The following BZW2 variants were observed in gnomAD, a reference collection of about 807,000 sequenced individuals.
BZW2 encodes eIF5-mimic protein 1.
BZW2 carries 23 observed loss-of-function variants against 53.2 expected under a neutral mutation model. The observed-to-expected ratio is 0.43, with a 90% CI of 0.31 to 0.61. BZW2 has a LOEUF of 0.61. BZW2 is among the 20% of genes least tolerant of loss of function. The pLI is 0.09. For synonymous variants in BZW2, 227 were observed against 186.4 expected (o/e 1.22, Z -1.77); for missense variants, 409 against 503.1 (o/e 0.81, Z 1.79).
At chr7:16,675,731 A>T (rs1008342618) in intron 3 of BZW2, among the ~76,000 whole-genome samples, 1 of 152,226 alleles carries the variant, frequency 6.6e-6, no homozygotes, top group Non-Finnish European at 1.5e-5. Flanking sequence ...ATTGAGCTCA[A>T]ATCCCATTAC....
rs188285304 is a variant in BZW2 at position 16,658,720 on chromosome 7, C to T, written c.-7-6717C>T. Reference sequence around the variant, plus strand: ...TGAAACCCCGTCTGTACTAAAAATACAAAAATTAGCCGGGCATGGTGGCGT... The same window carrying T: ...TGAAACCCCGTCTGTACTAAAAATATAAAAATTAGCCGGGCATGGTGGCGT... On this transcript the variant is annotated intron_variant, in intron 1 of 11. Coordinates refer to ENST00000258761, the MANE Select transcript of BZW2 (RefSeq NM_014038.3). Among the ~76,000 whole-genome samples the T allele has an allele frequency of 2.6e-3, 392 of 151,952 alleles. 1 individual carries two copies. Among genetic ancestry groups the T allele is most frequent in the African/African-American group, 9.0e-3 (371 of 41,444 alleles).
chr7:16,698,104 C>G lies in BZW2; in HGVS notation c.1026C>G (p.Leu342=). Residue 342 remains leucine (L), a synonymous_variant, in exon 10 of 12, where the codon CTC becomes CTG. Transcript: ENST00000258761. ...FSSQGQSELI[L]LQKVQEYCYD... ...CCCAAGGCCAGTCAGAGCTGATCCT[C>G]CTCCAGAAGGTTCAGGAATACTGCT... 1 of 1,614,128 alleles carries G rather than the reference C, an allele frequency of 6.2e-7. No individual in the cohort carries two copies. Among genetic ancestry groups the G allele is most frequent in the Non-Finnish European group, 8.5e-7 (1 of 1,179,958 alleles).
chr7:16,651,585 G>A (rs1398092931), intron 1 of BZW2, among the ~76,000 whole-genome samples: 1 of 152,204 alleles, frequency 6.6e-6, no homozygotes, highest in African/African-American at 2.4e-5. Context: ...GCTGGCTGGA[G>A]GAAAAGGATG....
rs1267310670 is a variant in BZW2, at chr7:16,681,525, A to AAAC, written c.339+121_339+122insAAC. On this transcript the variant is annotated intron_variant, in intron 4 of 11. Transcript: ENST00000258761. ...GAAAGCCTTTAAACTTATGAAAATAATGGGCATTAAAACTACAAAAATAGG... is the reference window on the plus strand; with the variant it reads ...GAAAGCCTTTAAACTTATGAAAATAAAACTGGGCATTAAAACTACAAAAATAGG... The AAAC allele has an allele frequency of 1.0e-4, 86 of 830,526 alleles. 1 individual carries two copies. The African/African-American group carries it at 1.4e-3, about 14-fold the overall frequency. The allele number at this position is 830,526 out of a possible 1,614,324, so 51.4% of individuals were successfully genotyped here.
chr7:16,688,128 T>C (rs1164034596), intron 6 of BZW2, among the ~76,000 whole-genome samples: 1 of 152,170 alleles, frequency 6.6e-6, no homozygotes, highest in Admixed American at 6.6e-5. Flanking sequence ...TGCTTTTACT[T>C]TCCAGTTGCT....
At chr7:16,697,085 G>A in intron 9 of BZW2, 24 bp downstream of exon 9, 2 of 1,605,616 alleles carry the variant, frequency 1.2e-6, no homozygotes, top group Non-Finnish European at 1.7e-6. Context: ...GCAAGGAACT[G>A]ACCCAGCCAA....
chr7:16,665,546 A>G (rs1376314517), intron 2 of BZW2, 45 bp downstream of exon 2: 4 of 1,598,158 alleles, frequency 2.5e-6, no homozygotes, highest in Non-Finnish European at 2.6e-6. Context: ...GTTGTAACCA[A>G]AATATAAGAT....
chr7:16,669,649 A>G (rs78467966), intron 2 of BZW2, among the ~76,000 whole-genome samples: 5,495 of 152,358 alleles, frequency 0.036, 131 homozygotes, highest in South Asian at 0.058. Context: ...TTCTGCTATT[A>G]TATCACTTCA....
intron 10 of BZW2, among the ~76,000 whole-genome samples, chr7:16,699,095 G>T (rs998819038): frequency 1.3e-5 from 2 of 152,216 alleles, no homozygotes; most frequent in East Asian, 3.9e-4. Context: ...TATTGGCCAC[G>T]TAGATTCCTC....
At chr7:16,683,794 A>C (rs1162552780) in intron 5 of BZW2, among the ~76,000 whole-genome samples, 2 of 152,190 alleles carry the variant, frequency 1.3e-5, no homozygotes, top group African/African-American at 4.8e-5. Flanking sequence ...ATCTAAAGTA[A>C]AAAACCAAGT....
At chr7:16,686,564 G>A (rs1391923456) in intron 6 of BZW2, 1 of 155,034 alleles carries the variant, frequency 6.5e-6, no homozygotes, top group Non-Finnish European at 1.4e-5. Flanking sequence ...GGGTTGGATA[G>A]GCATGCATAC....
chr7:16,689,669 G>T (rs1783240393), intron 6 of BZW2, 128 bp from the exon 7 acceptor site: 1 of 645,396 alleles, frequency 1.5e-6, no homozygotes, highest in East Asian at 3.0e-5. Flanking sequence ...GAGGTCTATT[G>T]ACTTTTCATT....
chr7:16,704,881 T>G (rs1011318985), intron 11 of BZW2, among the ~76,000 whole-genome samples: 1 of 152,162 alleles, frequency 6.6e-6, no homozygotes, highest in African/African-American at 2.4e-5. Context: ...AGAAATGAAA[T>G]GCTTAAATTA....
chr7:16,687,118 T>A (rs1022496228), intron 6 of BZW2: 3 of 152,174 alleles, frequency 2.0e-5, no homozygotes, highest in African/African-American at 4.8e-5. Flanking sequence ...ACCTAAGTGA[T>A]GTCTGTAACT....
At chr7:16,656,087 G>C (rs961804070) in intron 1 of BZW2, among the ~76,000 whole-genome samples, 6 of 151,018 alleles carry the variant, frequency 4.0e-5, no homozygotes, top group African/African-American at 1.5e-4. Flanking sequence ...ATATATGTGT[G>C]TGTGTGTGTA....
chr7:16,685,790 A>G, intron 5 of BZW2, 115 bp from the exon 6 acceptor site: 1 of 1,287,558 alleles, frequency 7.8e-7, no homozygotes, highest in Non-Finnish European at 1.0e-6. Context: ...TTTGTGTGCC[A>G]CGTAGCCATG....
intron 6 of BZW2, among the ~76,000 whole-genome samples, chr7:16,688,921 G>A (rs1783213956): frequency 6.6e-6 from 1 of 152,066 alleles, no homozygotes; most frequent in South Asian, 2.1e-4. Flanking sequence ...CTTAACTCAA[G>A]AATATTTTAA....
At chr7:16,686,076 C>CA (rs1783115351) in intron 6 of BZW2, 36 bp downstream of exon 6, 1 of 1,606,950 alleles carries the variant, frequency 6.2e-7, no homozygotes, top group Admixed American at 1.7e-5. Context: ...TGTCAGACAA[C>CA]AAAAGAAAAA....
chr7:16,666,901 C>T (rs1163582308), intron 2 of BZW2, among the ~76,000 whole-genome samples: 1 of 152,080 alleles, frequency 6.6e-6, no homozygotes, highest in Non-Finnish European at 1.5e-5. Flanking sequence ...AGGCATGAGC[C>T]ACTACACCAA....
Sources: gnomAD v4.1 joint callset for allele counts (sites outside exome capture counted in the v4.1 genomes callset) on GRCh38, gnomAD v4.1.1 for gene constraint, MANE v1.5 for transcripts, NCBI Gene and HGNC (gene_info 2026-07-23, HGNC 2026-07-21) for gene names.